The following SPTBN1 variants were observed in gnomAD, a reference collection of about 807,000 sequenced individuals.
The protein encoded by SPTBN1 is spectrin beta, non-erythrocytic 1, also known as spectrin beta chain, non-erythrocytic 1.
Under a neutral mutation model 266.4 loss-of-function variants are expected in SPTBN1, and 32 were observed. That is an observed-to-expected ratio of 0.12 (90% confidence interval 0.09 to 0.16). The LOEUF (loss-of-function observed/expected upper bound fraction) is 0.16. Among genes scored for constraint, SPTBN1 ranks in the 10% least tolerant of loss-of-function variants. SPTBN1 has a pLI of 1.00. For synonymous variants in SPTBN1, 1,336 were observed against 1,162.2 expected (o/e 1.15, Z -3.04); for missense variants, 2,296 against 3,067.1 (o/e 0.75, Z 5.94).
At chr2:54,591,676 C>T (rs1675691693) in intron 2 of SPTBN1, among the ~76,000 whole-genome samples, 1 of 152,168 alleles carries the variant, frequency 6.6e-6, no homozygotes, top group Admixed American at 6.5e-5. Flanking sequence ...TCCTGGCTCC[C>T]ATCCCTTTCC....
chr2:54,641,770 C>T (rs1019572571), intron 18 of SPTBN1, among the ~76,000 whole-genome samples: 9 of 151,880 alleles, frequency 5.9e-5, no homozygotes, highest in African/African-American at 2.2e-4. Context: ...CTCCTGTGAC[C>T]CACGTCGCTC....
At chr2:54,652,290 C>G (rs141430857) in intron 26 of SPTBN1, among the ~76,000 whole-genome samples, 2 of 151,910 alleles carry the variant, frequency 1.3e-5, no homozygotes, top group Non-Finnish European at 1.5e-5. Context: ...AGACATATAC[C>G]GTTCCCCAAA....
chr2:54,516,019 G>A (rs1017034413), intron 1 of SPTBN1: 1 of 152,160 alleles, frequency 6.6e-6, no homozygotes, highest in Non-Finnish European at 1.5e-5. Context: ...AACTGGCCTA[G>A]GCGTAATTAG....
At chr2:54,484,189 A>T (rs1573241916) in intron 1 of SPTBN1, among the ~76,000 whole-genome samples, 1 of 152,194 alleles carries the variant, frequency 6.6e-6, no homozygotes, top group East Asian at 1.9e-4. Context: ...CTGTCTCAAC[A>T]ACAAAACAAA....
At position 54,659,174 on chromosome 2, in the gene SPTBN1, C is replaced by CAG. The variant is rs753018019; in HGVS notation, c.6266_6267dup (p.Gln2090AspfsTer141). The CAG allele has an allele frequency of 6.2e-7, 1 of 1,614,012 alleles. No homozygotes were observed. The highest frequency in any genetic ancestry group is 1.3e-5 in the African/African-American group (1 of 75,022). Reference sequence around the variant, plus strand: ...CTTAGTTGGAGTTACTGGAAGTGCGCAGACAGCAAGAGGAAGAGGAGAGGA... The same window carrying CAG: ...CTTAGTTGGAGTTACTGGAAGTGCGCAGAGACAGCAAGAGGAAGAGGAGAGGA... On this transcript the variant is annotated frameshift_variant, in exon 31 of 36. Coordinates refer to ENST00000356805, the MANE Select transcript of SPTBN1 (RefSeq NM_003128.3). LOFTEE classifies it high-confidence loss of function.
chr2:54,468,374 A>G (rs1263250094), intron 1 of SPTBN1, among the ~76,000 whole-genome samples: 1 of 152,048 alleles, frequency 6.6e-6, no homozygotes, highest in Non-Finnish European at 1.5e-5. Context: ...ATATTTATTT[A>G]TTTATTTTAG....
intron 1 of SPTBN1, among the ~76,000 whole-genome samples, chr2:54,466,200 G>C (rs1257958894): frequency 1.3e-5 from 2 of 152,064 alleles, no homozygotes; most frequent in Non-Finnish European, 1.5e-5. Context: ...GAAGCCACTA[G>C]TTAGGCAGTA....
rs1680781544 is a variant in SPTBN1 at position 54,657,902 on chromosome 2, G to C, written c.6099G>C (p.Leu2033=). The C allele has an allele frequency of 1.2e-6, 2 of 1,614,144 alleles. No homozygotes were observed. The highest frequency in any genetic ancestry group is 1.3e-5 in the African/African-American group (1 of 74,948). Residue 2033 remains leucine, a synonymous_variant, in exon 30 of 36, where the codon CTG becomes CTC. Coordinates refer to ENST00000356805, the MANE Select transcript of SPTBN1 (RefSeq NM_003128.3). ...SRDASVAEAW[L]LGQEPYLSSR... ...ACGCCAGTGTGGCCGAGGCCTGGCT[G>C]CTTGGACAGGAGCCGTACCTATCCA... is the stretch of plus-strand genomic sequence containing the variant.
At position 54,655,258 on chromosome 2, in the gene SPTBN1, T is replaced by C. The variant is rs200225346; in HGVS notation, c.5961+50T>C. ...CTGCAGCTGGCGTCAAGATGTAAAA[T>C]GACTTTGTTTTATATGTTTGTGTGT... On this transcript the variant is annotated intron_variant, in intron 28 of 35. Coordinates refer to ENST00000356805, the MANE Select transcript of SPTBN1 (RefSeq NM_003128.3). 1.3e-5 allele frequency: 21 copies of C among 1,601,588 alleles called. No individual in the cohort carries two copies. The African/African-American group carries it at 2.0e-4, about 15-fold the overall frequency.
At chr2:54,517,922 G>A (rs1183072502) in intron 1 of SPTBN1, among the ~76,000 whole-genome samples, 2 of 150,670 alleles carry the variant, frequency 1.3e-5, no homozygotes, top group Non-Finnish European at 2.9e-5. Context: ...GGGATTACAG[G>A]CATGAGCCAC....
intron 2 of SPTBN1, among the ~76,000 whole-genome samples, chr2:54,534,235 C>A (rs1213634357): frequency 6.6e-6 from 1 of 152,194 alleles, no homozygotes; most frequent in African/African-American, 2.4e-5. Context: ...GTGACACTTT[C>A]CTGCCCCAAG....
chr2:54,534,660 A>G (rs565833784), intron 2 of SPTBN1, among the ~76,000 whole-genome samples: 1 of 152,270 alleles, frequency 6.6e-6, no homozygotes, highest in African/African-American at 2.4e-5. Flanking sequence ...GTTCACCACT[A>G]TAGACCCAGT....
At chr2:54,537,250 C>T (rs1435135620) in intron 2 of SPTBN1, among the ~76,000 whole-genome samples, 1 of 152,202 alleles carries the variant, frequency 6.6e-6, no homozygotes, top group East Asian at 1.9e-4. Context: ...AACCCCAGCT[C>T]TTGCCTATCC....
At position 54,558,210 on chromosome 2, in the gene SPTBN1, C is replaced by T. The variant is rs1420752491; in HGVS notation, c.148+31644C>T. 4.1e-6 allele frequency: 4 copies of T among 985,270 alleles called. No homozygotes were observed. In the South Asian group the frequency reaches 1.4e-4, roughly 35 times the overall value. The allele number at this position is 985,270 out of a possible 1,614,324, so 61.0% of individuals were successfully genotyped here. ...GGCTGCCGGGCGGCTGGGGCGACCG[C>T]GGACCGTGCGGGACCGGTAGGGGGT... On this transcript the variant is annotated intron_variant, in intron 2 of 35. Coordinates refer to ENST00000356805, the MANE Select transcript of SPTBN1 (RefSeq NM_003128.3). This position sits in a 1 kb window ranked among gnomAD's most constrained non-coding sequence, Gnocchi z 4.6.
chr2:54,502,193 A>G (rs1478795359), intron 1 of SPTBN1, among the ~76,000 whole-genome samples: 1 of 152,108 alleles, frequency 6.6e-6, no homozygotes, highest in Non-Finnish European at 1.5e-5. Flanking sequence ...CTGATCGGGG[A>G]GCTGGCGAGT....
intron 17 of SPTBN1, 102 bp from the exon 18 acceptor site, chr2:54,637,611 T>C (rs566086870): frequency 9.2e-4 from 864 of 938,750 alleles, no homozygotes; most frequent in Non-Finnish European, 1.1e-3. Context: ...GCAAACTCTT[T>C]TTAGCATAGT....
At chr2:54,522,632 AAAAG>A (rs751437585) in intron 1 of SPTBN1, among the ~76,000 whole-genome samples, 61 of 93,770 alleles carry the variant, frequency 6.5e-4, no homozygotes, top group Non-Finnish European at 9.5e-4. Context: ...CTCTGTCTCA[AAAAG>A]AAAGAAAGAA....
chr2:54,539,220 C>T (rs1396424362), intron 2 of SPTBN1, among the ~76,000 whole-genome samples: 1 of 152,178 alleles, frequency 6.6e-6, no homozygotes, highest in East Asian at 1.9e-4. Flanking sequence ...TCTGAATGCA[C>T]CTCTGCTTTT....
chr2:54,493,178 G>T (rs1158075148), intron 1 of SPTBN1, among the ~76,000 whole-genome samples: 1 of 151,350 alleles, frequency 6.6e-6, no homozygotes, highest in East Asian at 1.9e-4. Flanking sequence ...GCTGATTTTT[G>T]CATGTTTTGT....
Sources: gnomAD v4.1 joint callset for allele counts (sites outside exome capture counted in the v4.1 genomes callset) on GRCh38, gnomAD v4.1.1 for gene constraint, Gnocchi (gnomAD v3.1) non-coding constraint, MANE v1.5 for transcripts, NCBI Gene and HGNC (gene_info 2026-07-23, HGNC 2026-07-21) for gene names.